The following TG variants were observed in gnomAD, a reference collection of about 807,000 sequenced individuals.
TG encodes the protein thyroglobulin.
TG carries 270 observed loss-of-function variants against 324.7 expected under a neutral mutation model. The ratio of observed to expected loss-of-function variants is 0.83; its 90% CI spans 0.75 to 0.92. TG has a LOEUF of 0.92. TG is among the 40% of genes least tolerant of loss of function. The pLI is 0.00. For missense variants in TG, 3,591 were observed against 3,456.4 expected (o/e 1.04, Z -0.98); for synonymous variants, 1,401 against 1,327.0 (o/e 1.06, Z -1.21).
At chr8:132,977,898 A>G (rs887342619) in intron 34 of TG, among the ~76,000 whole-genome samples, 2 of 152,212 alleles carry the variant, frequency 1.3e-5, no homozygotes, top group African/African-American at 4.8e-5. Flanking sequence ...AGTTCCTACT[A>G]TATGCCAAAC....
chr8:132,993,133 T>C (rs914002285), intron 35 of TG, among the ~76,000 whole-genome samples: 1 of 152,246 alleles, frequency 6.6e-6, no homozygotes, highest in East Asian at 1.9e-4. Flanking sequence ...ATAGAGTAGA[T>C]GCTCAATATT....
At chr8:133,090,775 G>T (rs779123277) in intron 41 of TG, among the ~76,000 whole-genome samples, 2 of 152,178 alleles carry the variant, frequency 1.3e-5, no homozygotes, top group Non-Finnish European at 2.9e-5. Context: ...AAAGACAAAG[G>T]AAATTGGCAA....
At chr8:132,893,580 G>GGT in intron 10 of TG, 110 bp from the exon 11 acceptor site, 9 of 1,406,724 alleles carry the variant, frequency 6.4e-6, no homozygotes, top group South Asian at 3.5e-5. Flanking sequence ...GTGTGTGTGT[G>GGT]GTGTGTGTGT....
intron 34 of TG, among the ~76,000 whole-genome samples, chr8:132,977,977 G>A (rs1830382640): frequency 6.6e-6 from 1 of 152,206 alleles, no homozygotes; most frequent in African/African-American, 2.4e-5. Flanking sequence ...GGAGACAGAT[G>A]TTAAAGAAAA....
At chr8:132,905,327 T>C (rs1236571900) in intron 16 of TG, among the ~76,000 whole-genome samples, 2 of 152,112 alleles carry the variant, frequency 1.3e-5, no homozygotes, top group African/African-American at 2.4e-5. Flanking sequence ...TGGGACTTGG[T>C]GAAAGACAAC....
chr8:132,940,934 G>T (rs1824351652), intron 25 of TG, among the ~76,000 whole-genome samples: 1 of 152,230 alleles, frequency 6.6e-6, no homozygotes, highest in Non-Finnish European at 1.5e-5. Flanking sequence ...ACTAATTTGT[G>T]TGACAGAAAC....
chr8:132,967,717 C>A, intron 30 of TG, 77 bp from the exon 31 acceptor site: 1 of 1,525,488 alleles, frequency 6.6e-7, no homozygotes, highest in Non-Finnish European at 9.0e-7. Context: ...CATTTCCCCA[C>A]CCAGAGAATC....
Position 133,022,286 on chromosome 8 carries a change from T to C in TG, c.7036+136T>C, listed in dbSNP as rs1344481387. ...CACACAGTGGAAATTTTAGCACATATGGGAGACCCTCCGGGGATACTGACA... is the reference window on the plus strand; with the variant it reads ...CACACAGTGGAAATTTTAGCACATACGGGAGACCCTCCGGGGATACTGACA... On this transcript the variant is annotated intron_variant, in intron 40 of 47. Coordinates refer to ENST00000220616, the MANE Select transcript of TG (RefSeq NM_003235.5). 26 of 1,148,606 alleles carry C rather than the reference T, an allele frequency of 2.3e-5. No individual in the cohort carries two copies. The South Asian group carries it at 2.6e-4, about 12-fold the overall frequency. The allele number at this position is 1,148,606 out of a possible 1,614,324, so 71.2% of individuals were successfully genotyped here.
rs536470244 is a variant in TG at position 132,908,243 on chromosome 8, C to T, written c.3905C>T (p.Pro1302Leu). 37 of 1,613,858 alleles carry T rather than the reference C, an allele frequency of 2.3e-5. No individual in the cohort carries two copies. The highest frequency in any genetic ancestry group is 1.1e-4 in the South Asian group (10 of 91,078). The change falls in exon 18 of 48, where the codon CCG becomes CTG. Residue 1302 changes from proline to leucine, a missense_variant. Pro to Leu is a moderately conservative substitution (Grantham distance 98). Coordinates refer to ENST00000220616, the MANE Select transcript of TG (RefSeq NM_003235.5). Reference sequence around the variant, plus strand: ...GGGCACTTTCAGCTCCAGCTCCCGCCGGGCAAGATGTGCAGTGCTGACTAC... The same window carrying T: ...GGGCACTTTCAGCTCCAGCTCCCGCTGGGCAAGATGTGCAGTGCTGACTAC... ...TQGHFQLQLPPGKMCSADYAD... is the reference protein window; with the variant it reads ...TQGHFQLQLPLGKMCSADYAD...
chr8:132,949,008 T>C, intron 27 of TG, 65 bp downstream of exon 27: 1 of 1,477,110 alleles, frequency 6.8e-7, no homozygotes, highest in Non-Finnish European at 9.4e-7. Context: ...GGCCCTCTGC[T>C]ACTTTCTTAT....
At chr8:132,978,849 CA>C (rs1830486154) in intron 34 of TG, among the ~76,000 whole-genome samples, 1 of 152,108 alleles carries the variant, frequency 6.6e-6, no homozygotes, top group Non-Finnish European at 1.5e-5. Context: ...GGTCACAGAT[CA>C]AAGGATGGAG....
chr8:132,891,491 C>T lies in TG; in HGVS notation c.2762-2199C>T, dbSNP rs1002686399. On this transcript the variant is annotated intron_variant, in intron 10 of 47. Transcript: ENST00000220616. ...CTGGGACTACAAGCATGCACCATCA[C>T]GCCCAGCTAATTTTTGCATTTCTTG... is the stretch of plus-strand genomic sequence containing the variant. 8.5e-5 allele frequency among the ~76,000 whole-genome samples: 13 copies of T among 152,220 alleles called. No homozygotes were observed. In the East Asian group the frequency reaches 1.5e-3, roughly 18 times the overall value.
intron 26 of TG, among the ~76,000 whole-genome samples, chr8:132,945,011 G>A (rs1279385930): frequency 2.0e-5 from 3 of 152,198 alleles, no homozygotes; most frequent in African/African-American, 7.2e-5. Context: ...GAGAGGCCAG[G>A]CCACAGTGAG....
Position 133,040,140 on chromosome 8 carries a change from G to A in TG, c.7239+10117G>A, listed in dbSNP as rs201768665. On this transcript the variant is annotated intron_variant, in intron 41 of 47. Coordinates refer to ENST00000220616, the MANE Select transcript of TG (RefSeq NM_003235.5). The stretch of plus-strand genomic sequence containing the variant: ...AGGCCATCAGCCACCTCTGAGGAGG[G>A]AAGCAGACAGCCGGTCAGGGACCCT... 9 of 1,577,708 alleles carry A rather than the reference G, an allele frequency of 5.7e-6. No homozygotes were observed. The East Asian group carries it at 1.9e-4, about 32-fold the overall frequency.
intron 43 of TG, among the ~76,000 whole-genome samples, chr8:133,100,289 C>G (rs1227551720): frequency 6.6e-6 from 1 of 152,188 alleles, no homozygotes; most frequent in Non-Finnish European, 1.5e-5. Context: ...CAGAGGGAAG[C>G]CATATCCCCA....
intron 35 of TG, among the ~76,000 whole-genome samples, chr8:133,004,274 G>A (rs560977174): frequency 6.6e-6 from 1 of 152,312 alleles, no homozygotes; most frequent in South Asian, 2.1e-4. Flanking sequence ...GCTGTATAAG[G>A]GCTGGGAAGG....
intron 45 of TG, among the ~76,000 whole-genome samples, chr8:133,129,126 C>T (rs1851763220): frequency 1.3e-5 from 2 of 152,232 alleles, no homozygotes; most frequent in Admixed American, 6.5e-5. Flanking sequence ...AGGCTCCACT[C>T]TTTGTGCCTC....
chr8:132,876,785 G>A (rs1813864092), intron 5 of TG, among the ~76,000 whole-genome samples: 2 of 152,194 alleles, frequency 1.3e-5, no homozygotes, highest in Non-Finnish European at 2.9e-5. Context: ...CAGATCATAA[G>A]TAAAGGTCTT....
chr8:133,102,638 C>G (rs1849412469), intron 43 of TG: 2 of 1,398,762 alleles, frequency 1.4e-6, no homozygotes, highest in Non-Finnish European at 2.0e-6. Flanking sequence ...TATTGAAATT[C>G]TTCATCAGTC....
Sources: gnomAD v4.1 joint callset for allele counts (sites outside exome capture counted in the v4.1 genomes callset) on GRCh38, gnomAD v4.1.1 for gene constraint, MANE v1.5 for transcripts, NCBI Gene and HGNC (gene_info 2026-07-23, HGNC 2026-07-21) for gene names.